Variants in TCEA3 observed in about 807,000 individuals in gnomAD.
TCEA3 encodes the protein transcription elongation factor A protein 3.
Under a neutral mutation model 44.0 loss-of-function variants are expected in TCEA3, and 36 were observed. The ratio of observed to expected loss-of-function variants is 0.82; its 90% CI spans 0.63 to 1.08. TCEA3 has a LOEUF of 1.08. TCEA3 is among the 50% of genes least tolerant of loss of function. TCEA3 has a pLI of 0.00. For synonymous variants in TCEA3, 162 were observed against 159.7 expected (o/e 1.01, Z -0.11); for missense variants, 392 against 441.2 (o/e 0.89, Z 1.00).
intron 2 of TCEA3, among the ~76,000 whole-genome samples, chr1:23,418,590 G>T (rs1171082927): frequency 6.6e-6 from 1 of 152,116 alleles, no homozygotes; most frequent in East Asian, 1.9e-4. Flanking sequence ...GGGATTACAG[G>T]TATGAGCCAC....
intron 8 of TCEA3, among the ~76,000 whole-genome samples, chr1:23,392,526 T>C (rs62653742): frequency 0.055 from 54 of 980 alleles, 1 homozygote; most frequent in African/African-American, 0.12. Context: ...TACACACATA[T>C]TCCACACATC....
intron 5 of TCEA3, among the ~76,000 whole-genome samples, chr1:23,399,116 C>T (rs1377085945): frequency 8.6e-6 from 1 of 116,074 alleles, no homozygotes. Flanking sequence ...TTATCTCATT[C>T]AGGTTTTGTT....
At chr1:23,399,669 CTT>C (rs1216114957) in intron 5 of TCEA3, among the ~76,000 whole-genome samples, 27 of 139,044 alleles carry the variant, frequency 1.9e-4, no homozygotes, top group Middle Eastern at 7.1e-3. Context: ...TGTGAGAAAC[CTT>C]TTTTTTTTTT....
At chr1:23,383,668 ACAT>A in intron 10 of TCEA3, 1 of 985,466 alleles carries the variant, frequency 1.0e-6, no homozygotes, top group Non-Finnish European at 1.2e-6. Context: ...GGTGGCCCAG[ACAT>A]CACATGGTGC....
chr1:23,402,890 A>G (rs1016701687), intron 5 of TCEA3, among the ~76,000 whole-genome samples: 1 of 152,228 alleles, frequency 6.6e-6, no homozygotes, highest in Admixed American at 6.5e-5. Flanking sequence ...GGAACTGACC[A>G]CAGAGAGATG....
chr1:23,407,104 T>G (rs947132754), intron 5 of TCEA3, among the ~76,000 whole-genome samples: 25 of 152,228 alleles, frequency 1.6e-4, no homozygotes, highest in African/African-American at 5.5e-4. Context: ...GTCTTCCCCA[T>G]GCCAATTCAT....
At chr1:23,409,897 A>G (rs192067780) in intron 4 of TCEA3, among the ~76,000 whole-genome samples, 1 of 152,138 alleles carries the variant, frequency 6.6e-6, no homozygotes, top group East Asian at 2.0e-4. Context: ...CACCCCATGT[A>G]AATTCCACAA....
At chr1:23,404,581 C>T (rs1639489093) in intron 5 of TCEA3, among the ~76,000 whole-genome samples, 1 of 151,974 alleles carries the variant, frequency 6.6e-6, no homozygotes, top group Non-Finnish European at 1.5e-5. Flanking sequence ...CCTGGCCTTA[C>T]AGGTCAAAAA....
At chr1:23,424,094 A>G (rs1233756070) in intron 1 of TCEA3, among the ~76,000 whole-genome samples, 2 of 152,018 alleles carry the variant, frequency 1.3e-5, no homozygotes, top group South Asian at 2.1e-4. Context: ...TCCGGGGTGC[A>G]GGGATGCAGC....
intron 1 of TCEA3, among the ~76,000 whole-genome samples, chr1:23,421,245 T>C (rs1640056933): frequency 6.6e-6 from 1 of 152,234 alleles, no homozygotes; most frequent in Admixed American, 6.5e-5. Flanking sequence ...TCCTGTGTAT[T>C]ATTCCCATTC....
chr1:23,404,260 G>C, intron 5 of TCEA3: 1 of 689,456 alleles, frequency 1.5e-6, no homozygotes, highest in Non-Finnish European at 2.7e-6. Flanking sequence ...TCTGCTTCCT[G>C]GTACTCCAGC....
At chr1:23,406,270 A>G (rs1423863862) in intron 5 of TCEA3, among the ~76,000 whole-genome samples, 2 of 152,200 alleles carry the variant, frequency 1.3e-5, no homozygotes, top group African/African-American at 2.4e-5. Context: ...AAAACCTTAA[A>G]CAACCTAATT....
At chr1:23,416,817 C>T (rs1169467072) in intron 4 of TCEA3, among the ~76,000 whole-genome samples, 4 of 152,144 alleles carry the variant, frequency 2.6e-5, no homozygotes, top group Non-Finnish European at 5.9e-5. Context: ...GTGGCTATTG[C>T]CTTTGCTAGC....
intron 7 of TCEA3, among the ~76,000 whole-genome samples, chr1:23,396,979 T>C (rs1181257060): frequency 1.6e-5 from 2 of 124,460 alleles, no homozygotes; most frequent in Non-Finnish European, 3.2e-5. Context: ...CACTCCAGCC[T>C]GGGCAACAGG....
intron 1 of TCEA3, among the ~76,000 whole-genome samples, chr1:23,424,240 C>T (rs971986987): frequency 6.6e-6 from 1 of 151,922 alleles, no homozygotes; most frequent in African/African-American, 2.4e-5. Context: ...AGTCCTTTCC[C>T]ACGTCCAGCT....
At chr1:23,404,790 C>T (rs746787561) in intron 5 of TCEA3, among the ~76,000 whole-genome samples, 1 of 151,848 alleles carries the variant, frequency 6.6e-6, no homozygotes, top group Non-Finnish European at 1.5e-5. Context: ...GAGACTCTGT[C>T]TCTACAAAAA....
chr1:23,417,416 C>T lies in TCEA3; in HGVS notation c.239-26G>A, dbSNP rs753835188. ...CTGAAAACAAAAGGGTGGCATTGTC[C>T]CTCAGCTAAGCTCTGTCTCAGCAGA... On this transcript the variant is annotated intron_variant, in intron 3 of 10. Coordinates refer to ENST00000450454, the MANE Select transcript of TCEA3 (RefSeq NM_003196.3). 8 of 1,608,664 alleles carry T rather than the reference C, an allele frequency of 5.0e-6. No homozygotes were observed. The South Asian group carries it at 7.8e-5, about 16-fold the overall frequency.
intron 4 of TCEA3, among the ~76,000 whole-genome samples, chr1:23,413,052 G>A (rs766426706): frequency 6.6e-6 from 1 of 152,152 alleles, no homozygotes; most frequent in Non-Finnish European, 1.5e-5. Flanking sequence ...AAGTGAGTGG[G>A]CATAACAATT....
intron 1 of TCEA3, 143 bp from the exon 2 acceptor site, chr1:23,419,282 G>A (rs1055508143): frequency 3.5e-6 from 2 of 564,930 alleles, no homozygotes; most frequent in African/African-American, 3.8e-5. Context: ...GAAGGAGAGA[G>A]ACGAGAAACA....
Sources: gnomAD v4.1 joint callset for allele counts (sites outside exome capture counted in the v4.1 genomes callset) on GRCh38, gnomAD v4.1.1 for gene constraint, MANE v1.5 for transcripts, NCBI Gene and HGNC (gene_info 2026-07-23, HGNC 2026-07-21) for gene names.